The following GYS1 variants were observed in gnomAD, a reference collection of about 807,000 sequenced individuals.
The protein encoded by GYS1 is glycogen [starch] synthase, muscle.
GYS1 carries 60 observed loss-of-function variants against 89.1 expected under a neutral mutation model. The ratio of observed to expected loss-of-function variants is 0.67; its 90% CI spans 0.55 to 0.84. The LOEUF (loss-of-function observed/expected upper bound fraction) is 0.84. Among genes scored for constraint, GYS1 ranks in the 40% least tolerant of loss-of-function variants. The pLI is 0.00. For synonymous variants in GYS1, 366 were observed against 401.7 expected, an observed-to-expected ratio of 0.91 and a Z score of 1.06; for missense variants, 888 against 1,003.1, an observed-to-expected ratio of 0.89 and a Z score of 1.55.
chr19:48,985,732 T>G (rs558479765), intron 4 of GYS1, 118 bp downstream of exon 4: 2 of 1,497,110 alleles, frequency 1.3e-6, no homozygotes, highest in Admixed American at 3.4e-5. Flanking sequence ...AGGAGGGGTC[T>G]GGGGACTTGG....
At chr19:48,988,748 G>A (rs1458262136) in intron 2 of GYS1, among the ~76,000 whole-genome samples, 1 of 151,956 alleles carries the variant, frequency 6.6e-6, no homozygotes, top group Non-Finnish European at 1.5e-5. Context: ...CCACGTAGCT[G>A]GGACCACAGG....
At chr19:48,983,377 TCTC>T in intron 5 of GYS1, among the ~76,000 whole-genome samples, 1 of 152,150 alleles carries the variant, frequency 6.6e-6, no homozygotes, top group East Asian at 1.9e-4. Flanking sequence ...CAAGTATAAG[TCTC>T]CTCAGCTACT....
intron 2 of GYS1, among the ~76,000 whole-genome samples, chr19:48,988,654 C>T (rs1262812974): frequency 1.3e-5 from 2 of 152,144 alleles, no homozygotes; most frequent in Admixed American, 6.6e-5. Context: ...TTGCTCTGTC[C>T]TCCAGCCTGG....
In GYS1 at chr19:48,985,487, G is replaced by A. The variant is rs1253678206; in HGVS notation, c.797C>T (p.Ala266Val). The change falls in exon 5 of 16, where the codon GCA (alanine) becomes GTA (valine). Residue 266 changes from alanine to valine, a missense_variant. Ala to Val is a moderately conservative substitution (Grantham distance 64). Coordinates refer to ENST00000323798, the MANE Select transcript of GYS1 (RefSeq NM_002103.5). ...TTVSQITAIE[A>V]QHLLKRKPDI... ...TGGTTTCCTCTTGAGCAAGTGCTGT[G>A]CCTCGATGGCGGTGATCTGGGACAC... 6.2e-7 allele frequency: 1 copy of A among 1,614,000 alleles called. No homozygotes were observed. The highest frequency in any genetic ancestry group is 2.2e-5 in the East Asian group (1 of 44,890).
At chr19:48,979,672 C>T (rs1181301578) in intron 8 of GYS1, among the ~76,000 whole-genome samples, 2 of 124,252 alleles carry the variant, frequency 1.6e-5, no homozygotes, top group Non-Finnish European at 3.3e-5. Context: ...TTTTTGAGAC[C>T]GAGTCTCACT....
At chr19:48,978,248 G>A (rs1029450159) in intron 8 of GYS1, 91 bp from the exon 9 acceptor site, 49 of 1,151,134 alleles carry the variant, frequency 4.3e-5, no homozygotes, top group South Asian at 1.6e-4. Context: ...ATTTTGAGAC[G>A]GAGTTTGGCT....
chr19:48,984,755 C>G (rs919674602), intron 5 of GYS1, among the ~76,000 whole-genome samples: 5 of 151,802 alleles, frequency 3.3e-5, no homozygotes, highest in Non-Finnish European at 4.4e-5. Context: ...GTGGCAGGCG[C>G]GTATAGTCCC....
In GYS1 at chr19:48,971,026, G is replaced by T. The variant is rs759842935; in HGVS notation, c.1550-3C>A. On this transcript the variant is annotated splice_region_variant and splice_polypyrimidine_tract_variant and intron_variant, in intron 12 of 15. Transcript: ENST00000323798. ...GATTCCCATAACCGTGCACTCAGCT[G>T]CGGGAAGGCAGGAGAGAGACCCACT... is the stretch of plus-strand genomic sequence containing the variant. The T allele has an allele frequency of 6.2e-7, 1 of 1,609,462 alleles. No individual in the cohort carries two copies. The highest frequency in any genetic ancestry group is 1.7e-5 in the Admixed American group (1 of 60,028).
At chr19:48,992,867 A>C in intron 1 of GYS1, 128 bp downstream of exon 1, 5 of 711,530 alleles carry the variant, frequency 7.0e-6, no homozygotes, top group Non-Finnish European at 1.3e-5. Context: ...CCCCTCCTCA[A>C]GGACACAGCC....
At position 48,969,746 on chromosome 19, in the gene GYS1, G is replaced by A. The variant is rs773627441; in HGVS notation, c.1890+29C>T. The A allele has an allele frequency of 2.5e-6, 4 of 1,607,444 alleles. No individual in the cohort carries two copies. In the East Asian group the frequency reaches 6.7e-5, roughly 27 times the overall value. On this transcript the variant is annotated intron_variant, in intron 15 of 15. Transcript: ENST00000323798. ...ACCGAAGCCCAGCCCTTTAGCTCCTGGCTAAGCAGAAATCCAGGGTCCACT... is the reference window on the plus strand; with the variant it reads ...ACCGAAGCCCAGCCCTTTAGCTCCTAGCTAAGCAGAAATCCAGGGTCCACT...
chr19:48,985,335 C>G (rs1366969176), intron 5 of GYS1, 126 bp downstream of exon 5: 1 of 970,522 alleles, frequency 1.0e-6, no homozygotes, highest in African/African-American at 1.6e-5. Flanking sequence ...CCATGCCCAG[C>G]CGAAATACGT....
chr19:48,970,054 A>T (rs2038533525), intron 14 of GYS1, among the ~76,000 whole-genome samples, 199 bp from the exon 15 acceptor site: 1 of 152,076 alleles, frequency 6.6e-6, no homozygotes, highest in African/African-American at 2.4e-5. Flanking sequence ...TACCCCTCAA[A>T]CAGGGGCCGA....
At position 48,991,991 on chromosome 19, in the gene GYS1, C is replaced by T. The variant is rs370569195; in HGVS notation, c.119-508G>A. On this transcript the variant is annotated intron_variant, in intron 1 of 15. Coordinates refer to ENST00000323798, the MANE Select transcript of GYS1 (RefSeq NM_002103.5). This position sits in a 1 kb window ranked among gnomAD's most constrained non-coding sequence, Gnocchi z 4.7. Reference sequence around the variant, plus strand: ...GAAGCCTGCATGGTCATTCCCTGCCCCCAGGGACCTTGCTGACCTGCCTCC... The same window carrying T: ...GAAGCCTGCATGGTCATTCCCTGCCTCCAGGGACCTTGCTGACCTGCCTCC... Among the ~76,000 whole-genome samples, 279 of 152,196 alleles carry T rather than the reference C, an allele frequency of 1.8e-3. 1 individual carries two copies. The highest frequency in any genetic ancestry group is 6.1e-3 in the African/African-American group (253 of 41,502).
rs950039719 is a variant in GYS1, at chr19:48,969,094, C to T, written c.*194G>A. 4.7e-6 allele frequency: 3 copies of T among 638,558 alleles called. No homozygotes were observed. Among genetic ancestry groups the T allele is most frequent in the African/African-American group, 1.8e-5 (1 of 54,534 alleles). The allele number at this position is 638,558 out of a possible 1,614,324, so 39.6% of individuals were successfully genotyped here. On this transcript the variant is annotated 3_prime_UTR_variant, in exon 16 of 16. Coordinates refer to ENST00000323798, the MANE Select transcript of GYS1 (RefSeq NM_002103.5). ...CATATTCTGGAGCCAGAGAAAGGCA[C>T]GGCTTTGTGGATTCTGGAGTGCAGG...
At chr19:48,970,476 C>T (rs1191879422) in intron 14 of GYS1, 70 bp downstream of exon 14, 1 of 1,315,178 alleles carries the variant, frequency 7.6e-7, no homozygotes, top group Non-Finnish European at 1.1e-6. Flanking sequence ...AGACCCTGCA[C>T]CCTGCACCAA....
In GYS1 at chr19:48,969,778, ATCCGCC is replaced by A; in HGVS notation, c.1881_1886del (p.Glu627_Ala628del). 6.2e-7 allele frequency: 1 copy of A among 1,613,730 alleles called. No individual in the cohort carries two copies. Among genetic ancestry groups the A allele is most frequent in the Non-Finnish European group, 8.5e-7 (1 of 1,179,718 alleles). On this transcript the variant is annotated inframe_deletion, in exon 15 of 16. Transcript: ENST00000323798. ...CAGAAATCCAGGGTCCACTCACCGC[ATCCGCC>A]TCGTTGGGCTCGTAGGTGAAGTGCT...
chr19:48,971,195 G>C (rs750842310), intron 12 of GYS1, among the ~76,000 whole-genome samples, 172 bp from the exon 13 acceptor site: 6 of 152,188 alleles, frequency 3.9e-5, no homozygotes, highest in African/African-American at 7.2e-5. Flanking sequence ...TTTCTCAGAG[G>C]GGACGCTAAG....
At chr19:48,975,501 T>C (rs1045892362) in intron 10 of GYS1, among the ~76,000 whole-genome samples, 15 of 152,094 alleles carry the variant, frequency 9.9e-5, no homozygotes, top group African/African-American at 3.6e-4. Context: ...AGCTACCTTG[T>C]TCTGTACTCT....
At chr19:48,979,336 CTTTTTTTTTTTTTTTTTTTTT>C (rs777178030) in intron 8 of GYS1, among the ~76,000 whole-genome samples, 79 of 92,756 alleles carry the variant, frequency 8.5e-4, no homozygotes, top group East Asian at 1.8e-3. Context: ...TTTTTCTTTT[CTTTTTTTTTTTTTTTTTTTTT>C]TTTTTTTTTT....
Sources: gnomAD v4.1 joint callset for allele counts (sites outside exome capture counted in the v4.1 genomes callset) on GRCh38, gnomAD v4.1.1 for gene constraint, Gnocchi (gnomAD v3.1) non-coding constraint, MANE v1.5 for transcripts, NCBI Gene and HGNC (gene_info 2026-07-23, HGNC 2026-07-21) for gene names.